The following GSDME variants were observed in gnomAD, a reference collection of about 807,000 sequenced individuals.
GSDME encodes the protein gasdermin E, also known as gasdermin-E.
Under a neutral mutation model 47.5 loss-of-function variants are expected in GSDME, and 44 were observed. The observed-to-expected ratio is 0.93, with a 90% CI of 0.73 to 1.19. The LOEUF (loss-of-function observed/expected upper bound fraction) is 1.19, where lower values mean the gene tolerates loss of function less well. GSDME is among the 50% of genes most tolerant of loss of function. The pLI, the probability that GSDME is intolerant of heterozygous loss-of-function variation, is 0.00. For missense variants in GSDME, 663 were observed against 604.2 expected (o/e 1.10, Z -1.02); for synonymous variants, 258 against 252.8 (o/e 1.02, Z -0.20).
In GSDME at chr7:24,745,354, C is replaced by T. The variant is rs1206425421; in HGVS notation, c.212-600G>A. Among the ~76,000 whole-genome samples the T allele has an allele frequency of 6.6e-6, 1 of 152,108 alleles. No homozygotes were observed. The highest frequency in any genetic ancestry group is 1.5e-5 in the Non-Finnish European group (1 of 68,020). On this transcript the variant is annotated intron_variant, in intron 2 of 9. Transcript: ENST00000645220. The surrounding 1 kb of genome is among the most constrained non-coding windows in gnomAD (Gnocchi z 4.4). The stretch of plus-strand genomic sequence containing the variant: ...GGGGGCATCTTGTCTACCCACCCAC[C>T]AGTCTTGGAAAACAATCCCCTGGCC...
upstream of GSDME, among the ~76,000 whole-genome samples, chr7:24,762,318 G>T (rs570244435): frequency 6.6e-6 from 1 of 150,482 alleles, no homozygotes; most frequent in Non-Finnish European, 1.5e-5. Context: ...CTTCTGTATT[G>T]TTTGTCCATT....
At chr7:24,771,311 T>G in the GSDME span, among the ~76,000 whole-genome samples, 1 of 152,242 alleles carries the variant, frequency 6.6e-6, no homozygotes, top group Non-Finnish European at 1.5e-5. This position sits in a 1 kb window ranked among gnomAD's most constrained non-coding sequence, Gnocchi z 4.1. Context: ...GCTCTTCAAT[T>G]TGTGGTGGAC....
rs184907529 is a variant in GSDME, at chr7:24,707,063, G to A, written c.991-687C>T. Among the ~76,000 whole-genome samples the A allele has an allele frequency of 9.2e-5, 14 of 152,284 alleles. No individual in the cohort carries two copies. In the East Asian group the frequency reaches 2.7e-3, roughly 29 times the overall value. On this transcript the variant is annotated intron_variant, in intron 7 of 9. Transcript: ENST00000645220. ...GCTTTTTAAAACACTGTTCTCCCTGGAGCTGAGCTCCCCACCCTCTAGAAT... is the reference window on the plus strand; with the variant it reads ...GCTTTTTAAAACACTGTTCTCCCTGAAGCTGAGCTCCCCACCCTCTAGAAT...
the GSDME span, among the ~76,000 whole-genome samples, chr7:24,794,536 C>T: frequency 6.6e-6 from 1 of 152,156 alleles, no homozygotes; most frequent in African/African-American, 2.4e-5. Context: ...GGAAACTGAT[C>T]TGGGTGTCCT....
Position 24,699,106 on chromosome 7 carries a change from G to A in GSDME, c.1411C>T (p.Leu471=). ...AGTGGGAAGACTTTAGAGTCCTTCA[G>A]AATGACAGCTTTCACAGATGACTTC... ...RLKSSVKAVI[L]KDSKVFPLLL... Residue 471 remains leucine, a synonymous_variant, in exon 10 of 10, where the codon CTG becomes TTG. Coordinates refer to ENST00000645220, the MANE Select transcript of GSDME (RefSeq NM_001127453.2). The A allele has an allele frequency of 6.2e-7, 1 of 1,614,178 alleles. No individual in the cohort carries two copies. Among genetic ancestry groups the A allele is most frequent in the South Asian group, 1.1e-5 (1 of 91,068 alleles).
chr7:24,720,799 C>G (rs1458990474), intron 3 of GSDME, among the ~76,000 whole-genome samples: 1 of 151,986 alleles, frequency 6.6e-6, no homozygotes, highest in East Asian at 1.9e-4. Flanking sequence ...CCCAGCTACT[C>G]AGCAGGCTGA....
rs1788720407 is a variant in GSDME at position 24,698,401 on chromosome 7, A to G, written c.*625T>C. ...ATAGAATACCCAGAATACATAGGAA[A>G]TCAACATGTGCTAGACATAGAATTA... On this transcript the variant is annotated 3_prime_UTR_variant, in exon 10 of 10. Coordinates refer to ENST00000645220, the MANE Select transcript of GSDME (RefSeq NM_001127453.2). The G allele has an allele frequency of 6.4e-6, 1 of 155,930 alleles. No homozygotes were observed. Among genetic ancestry groups the G allele is most frequent in the Non-Finnish European group, 1.4e-5 (1 of 70,434 alleles). The allele number at this position is 155,930 out of a possible 1,614,324, so 9.7% of individuals were successfully genotyped here.
chr7:24,791,992 C>T, the GSDME span, among the ~76,000 whole-genome samples: 6 of 152,222 alleles, frequency 3.9e-5, no homozygotes, highest in Admixed American at 1.3e-4. The surrounding 1 kb of genome is among the most constrained non-coding windows in gnomAD (Gnocchi z 4.8). Flanking sequence ...CAACCTATTA[C>T]TCCAGGCTGT....
Position 24,710,262 on chromosome 7 carries a change from A to G in GSDME, c.824T>C (p.Ile275Thr), listed in dbSNP as rs770251505. 13 of 1,614,204 alleles carry G rather than the reference A, an allele frequency of 8.1e-6. 1 individual carries two copies. The highest frequency in any genetic ancestry group is 3.3e-5 in the South Asian group (3 of 91,080). ...FIDMPDAAHG[I>T]SSQDGPLSVL... ...ACTTAATGGTCCATCCTGGGAAGAT[A>G]TCCCATGCGCAGCATCTGGCATGTC... The change falls in exon 6 of 10, where the codon ATA (isoleucine) becomes ACA (threonine). Residue 275 changes from isoleucine to threonine, a missense_variant. By Grantham distance (89) the Ile-to-Thr change is moderately conservative. Transcript: ENST00000645220.
chr7:24,744,779 G>C lies in GSDME; in HGVS notation c.212-25C>G. 1 of 1,613,088 alleles carries C rather than the reference G, an allele frequency of 6.2e-7. No homozygotes were observed. Among genetic ancestry groups the C allele is most frequent in the South Asian group, 1.1e-5 (1 of 90,986 alleles). On this transcript the variant is annotated intron_variant, in intron 2 of 9. Transcript: ENST00000645220. The surrounding 1 kb of genome is among the most constrained non-coding windows in gnomAD (Gnocchi z 4.5). ...ACTGGAATGGAGGAGACGAGCAGAGGAAGCCGATGATGATAAGGCCACCAA... is the reference window on the plus strand; with the variant it reads ...ACTGGAATGGAGGAGACGAGCAGAGCAAGCCGATGATGATAAGGCCACCAA...
At chr7:24,753,542 G>A (rs1790922065) in intron 1 of GSDME, among the ~76,000 whole-genome samples, 1 of 152,136 alleles carries the variant, frequency 6.6e-6, no homozygotes, top group African/African-American at 2.4e-5. Context: ...AAAAGAGATT[G>A]CTAGAACAAT....
the GSDME span, among the ~76,000 whole-genome samples, chr7:24,766,183 TTGTGTGTGTGTGTGTG>T: frequency 2.1e-5 from 3 of 144,518 alleles, no homozygotes; most frequent in Non-Finnish European, 4.6e-5. This position sits in a 1 kb window ranked among gnomAD's most constrained non-coding sequence, Gnocchi z 4.2. Context: ...ATTACATTAT[TTGTGTGTGTGTGTGTG>T]TGTGTGTGTG....
At position 24,735,604 on chromosome 7, in the gene GSDME, A is replaced by G. The variant is rs1027330382; in HGVS notation, c.404+8958T>C. 6.6e-6 allele frequency among the ~76,000 whole-genome samples: 1 copy of G among 152,086 alleles called. No homozygotes were observed. Among genetic ancestry groups the G allele is most frequent in the East Asian group, 1.9e-4 (1 of 5,168 alleles). ...AAACCACATCTCTACTAAAAATACA[A>G]AAAAGTAGCCGGGCGTGGTGGTGGG... On this transcript the variant is annotated intron_variant, in intron 3 of 9. Coordinates refer to ENST00000645220, the MANE Select transcript of GSDME (RefSeq NM_001127453.2). This position sits in a 1 kb window ranked among gnomAD's most constrained non-coding sequence, Gnocchi z 4.4.
rs868837703 is a variant in GSDME at position 24,712,443 on chromosome 7, G to A, written c.698-2055C>T. On this transcript the variant is annotated intron_variant, in intron 5 of 9. Coordinates refer to ENST00000645220, the MANE Select transcript of GSDME (RefSeq NM_001127453.2). This position sits in a 1 kb window ranked among gnomAD's most constrained non-coding sequence, Gnocchi z 4.4. ...CACCCATGCATAGCTCCCTGAGGGC[G>A]CCACCAATTAATTCCTTCATTCTTT... 8.5e-5 allele frequency among the ~76,000 whole-genome samples: 13 copies of A among 152,268 alleles called. No individual in the cohort carries two copies. In the South Asian group the frequency reaches 1.9e-3, roughly 22 times the overall value.
chr7:24,740,922 GC>G (rs369266644), intron 3 of GSDME, among the ~76,000 whole-genome samples: 1 of 152,110 alleles, frequency 6.6e-6, no homozygotes, highest in African/African-American at 2.4e-5. Context: ...TCCCCAAATA[GC>G]CAGGAAAGCA....
chr7:24,735,649 T>C lies in GSDME; in HGVS notation c.404+8913A>G, dbSNP rs1240864277. ...GGTGGGCGCCTGTAATCCCAACTAC[T>C]CAGGAGGCTGAGGCAGGAGAATCAC... is the stretch of plus-strand genomic sequence containing the variant. On this transcript the variant is annotated intron_variant, in intron 3 of 9. Transcript: ENST00000645220. This position sits in a 1 kb window ranked among gnomAD's most constrained non-coding sequence, Gnocchi z 4.4. 6.6e-6 allele frequency among the ~76,000 whole-genome samples: 1 copy of C among 151,792 alleles called. No individual in the cohort carries two copies. The highest frequency in any genetic ancestry group is 1.5e-5 in the Non-Finnish European group (1 of 67,950).
At chr7:24,791,516 C>T in the GSDME span, among the ~76,000 whole-genome samples, 3 of 152,224 alleles carry the variant, frequency 2.0e-5, no homozygotes, top group African/African-American at 7.2e-5. The surrounding 1 kb of genome is among the most constrained non-coding windows in gnomAD (Gnocchi z 4.8). Context: ...AAGTACTGGC[C>T]TAACAACTTT....
chr7:24,749,080 T>C (rs1489220504), intron 2 of GSDME, among the ~76,000 whole-genome samples: 1 of 152,196 alleles, frequency 6.6e-6, no homozygotes, highest in Non-Finnish European at 1.5e-5. Flanking sequence ...AAGGTTAAGC[T>C]ATAATGTGTC....
At chr7:24,730,904 G>A (rs1044984890) in intron 3 of GSDME, among the ~76,000 whole-genome samples, 7 of 152,140 alleles carry the variant, frequency 4.6e-5, no homozygotes, top group Non-Finnish European at 8.8e-5. Flanking sequence ...AACAAGTATT[G>A]GAGGGTCCCC....
Sources: allele counts gnomAD v4.1 joint callset (sites outside exome capture counted in the v4.1 genomes callset), GRCh38; gene constraint gnomAD v4.1.1; non-coding constraint Gnocchi (gnomAD v3.1); transcripts MANE v1.5; gene names NCBI Gene and HGNC (gene_info 2026-07-23, HGNC 2026-07-21).